SLC9A1: variants seen among roughly 807,000 people sequenced by gnomAD.
SLC9A1 encodes the protein solute carrier family 9 member A1.
SLC9A1 carries 22 observed loss-of-function variants against 67.9 expected under a neutral mutation model. That is an observed-to-expected ratio of 0.32 (90% CI 0.23 to 0.46). SLC9A1 has a LOEUF of 0.46. Among genes scored for constraint, SLC9A1 ranks in the 20% least tolerant of loss-of-function variants. SLC9A1 has a pLI of 1.00. For missense variants in SLC9A1, 686 were observed against 1,094.8 expected (o/e 0.63, Z 5.27); for synonymous variants, 421 against 471.8 (o/e 0.89, Z 1.40).
At chr1:27,127,771 C>T (rs1370386229) in intron 1 of SLC9A1, among the ~76,000 whole-genome samples, 1 of 152,196 alleles carries the variant, frequency 6.6e-6, no homozygotes, top group African/African-American at 2.4e-5. Flanking sequence ...CTGCCTCCTG[C>T]ACAATACCAG....
chr1:27,150,021 T>C (rs977423401), intron 1 of SLC9A1, among the ~76,000 whole-genome samples: 1 of 152,234 alleles, frequency 6.6e-6, no homozygotes, highest in Non-Finnish European at 1.5e-5. Flanking sequence ...AGTCTGCTAT[T>C]TTCCCAAAGA....
intron 1 of SLC9A1, among the ~76,000 whole-genome samples, chr1:27,125,531 C>A (rs2083337207): frequency 6.6e-6 from 1 of 151,942 alleles, no homozygotes; most frequent in African/African-American, 2.4e-5. Context: ...CAGGCCTGAG[C>A]CACTGCGCCC....
chr1:27,143,654 A>T (rs1350322521), intron 1 of SLC9A1, among the ~76,000 whole-genome samples: 2 of 152,212 alleles, frequency 1.3e-5, no homozygotes, highest in Admixed American at 6.5e-5. Flanking sequence ...CCCACAGGAC[A>T]GCCCCAGAGA....
intron 4 of SLC9A1, among the ~76,000 whole-genome samples, chr1:27,107,152 A>C (rs1193984163): frequency 2.2e-4 from 3 of 13,938 alleles, no homozygotes; most frequent in African/African-American, 3.0e-4. Context: ...CCACACCCTC[A>C]CAGCCCCTCC....
At chr1:27,108,671 A>C (rs2083206810) in intron 3 of SLC9A1, among the ~76,000 whole-genome samples, 1 of 152,014 alleles carries the variant, frequency 6.6e-6, no homozygotes, top group Admixed American at 6.5e-5. Flanking sequence ...CCCCGTCTCA[A>C]ATAAAAAAAT....
In SLC9A1 at chr1:27,109,017, C is replaced by A. The variant is rs929530365; in HGVS notation, c.1064+510G>T. ...CTCTGAACCCCAGTTCTGCCTTGCT[C>A]GGCACTGGAACACCTTCACCCCTCA... On this transcript the variant is annotated intron_variant, in intron 3 of 11. Coordinates refer to ENST00000263980, the MANE Select transcript of SLC9A1 (RefSeq NM_003047.5). The surrounding 1 kb of genome is among the most constrained non-coding windows in gnomAD (Gnocchi z 5.5). 6.6e-6 allele frequency among the ~76,000 whole-genome samples: 1 copy of A among 152,140 alleles called. No individual in the cohort carries two copies. Among genetic ancestry groups the A allele is most frequent in the African/African-American group, 2.4e-5 (1 of 41,442 alleles).
chr1:27,107,221 ACACACACCCAACCCC>A (rs1275101935), intron 4 of SLC9A1, among the ~76,000 whole-genome samples: 1 of 68,740 alleles, frequency 1.5e-5, no homozygotes. Flanking sequence ...CAGCCCCTCT[ACACACACCCAACCCC>A]TACACACACA....
rs2083283107 is a variant in SLC9A1, at chr1:27,118,045, A to C, written c.353-3759T>G. ...CGAGCTCTGAGAGGAGGCTGCATGC[A>C]CTCAGCCAGGCCAACCAGGACTGGG... On this transcript the variant is annotated intron_variant, in intron 1 of 11. Transcript: ENST00000263980. The surrounding 1 kb of genome is among the most constrained non-coding windows in gnomAD (Gnocchi z 4.3). Among the ~76,000 whole-genome samples the C allele has an allele frequency of 6.6e-6, 1 of 152,088 alleles. No homozygotes were observed. Among genetic ancestry groups the C allele is most frequent in the South Asian group, 2.1e-4 (1 of 4,826 alleles).
intron 4 of SLC9A1, among the ~76,000 whole-genome samples, chr1:27,107,357 C>CA (rs2083194742): frequency 7.2e-6 from 1 of 139,054 alleles, no homozygotes; most frequent in Non-Finnish European, 1.6e-5. Flanking sequence ...CTCCACACAA[C>CA]ATACTACACA....
rs1277297688 is a variant in SLC9A1 at position 27,099,605 on chromosome 1, C to G, written c.*702G>C. On this transcript the variant is annotated 3_prime_UTR_variant, in exon 12 of 12. Transcript: ENST00000263980. ...AAAAAGGCAGCACATTCTGGAGCCA[C>G]GGCCAGTCCTTCCCCTAGCAGCTTC... 1 of 152,714 alleles carries G rather than the reference C, an allele frequency of 6.5e-6. No individual in the cohort carries two copies. Among genetic ancestry groups the G allele is most frequent in the Non-Finnish European group, 1.5e-5 (1 of 68,202 alleles). 9.5% of individuals were successfully genotyped at this position (152,714 alleles called of 1,614,324 possible).
intron 1 of SLC9A1, among the ~76,000 whole-genome samples, chr1:27,127,591 A>G (rs1231196433): frequency 6.6e-6 from 1 of 152,180 alleles, no homozygotes; most frequent in Non-Finnish European, 1.5e-5. Context: ...CACCCTGCTG[A>G]GCCAGGCAGA....
In SLC9A1 at chr1:27,114,494, A is replaced by C. The variant is rs1351872588; in HGVS notation, c.353-208T>G. On this transcript the variant is annotated intron_variant, in intron 1 of 11. Transcript: ENST00000263980. This position sits in a 1 kb window ranked among gnomAD's most constrained non-coding sequence, Gnocchi z 5.4. ...CTAGCTTCACAGGTTTGCCATCATAAACCAAGTGACAGTGTTTTTAAAGCA... is the reference window on the plus strand; with the variant it reads ...CTAGCTTCACAGGTTTGCCATCATACACCAAGTGACAGTGTTTTTAAAGCA... Among the ~76,000 whole-genome samples, 1 of 152,214 alleles carries C rather than the reference A, an allele frequency of 6.6e-6. No homozygotes were observed. Among genetic ancestry groups the C allele is most frequent in the African/African-American group, 2.4e-5 (1 of 41,446 alleles).
Position 27,100,022 on chromosome 1 carries a change from GTCCA to G in SLC9A1, c.*281_*284del. The G allele has an allele frequency of 2.5e-6, 1 of 396,532 alleles. No homozygotes were observed. The highest frequency in any genetic ancestry group is 4.5e-6 in the Non-Finnish European group (1 of 222,870). The allele number at this position is 396,532 out of a possible 1,614,324, so 24.6% of individuals were successfully genotyped here. On this transcript the variant is annotated 3_prime_UTR_variant, in exon 12 of 12. Coordinates refer to ENST00000263980, the MANE Select transcript of SLC9A1 (RefSeq NM_003047.5). This position sits in a 1 kb window ranked among gnomAD's most constrained non-coding sequence, Gnocchi z 5.6. ...AGAGGGAGGAGCCTCCGAGGCCCTA[GTCCA>G]GGTCCGGGAGAAGCCTGGATCTAGG... is the stretch of plus-strand genomic sequence containing the variant.
At position 27,100,235 on chromosome 1, in the gene SLC9A1, G is replaced by A; in HGVS notation, c.*72C>T. On this transcript the variant is annotated 3_prime_UTR_variant, in exon 12 of 12. Transcript: ENST00000263980. The surrounding 1 kb of genome is among the most constrained non-coding windows in gnomAD (Gnocchi z 5.6). The stretch of plus-strand genomic sequence containing the variant: ...GCCAATCCGGGTCAGGAAGGGCAAG[G>A]GGAGCCCCCAGCAGCCCCTGCTCTG... 8.3e-7 allele frequency: 1 copy of A among 1,203,004 alleles called. No individual in the cohort carries two copies. The highest frequency in any genetic ancestry group is 1.1e-6 in the Non-Finnish European group (1 of 879,318). 74.5% of individuals were successfully genotyped at this position (1,203,004 alleles called of 1,614,324 possible).
At position 27,109,715 on chromosome 1, in the gene SLC9A1, G is replaced by C. The variant is rs1358021001; in HGVS notation, c.876C>G (p.Phe292Leu). ...NYEHVGIVDI[F>L]LGFLSFFVVA... Reference sequence around the variant, plus strand: ...CCACGAAGAAGCTCAGGAAGCCGAGGAAGATGTCCACGATGCCCACGTGTT... The same window carrying C: ...CCACGAAGAAGCTCAGGAAGCCGAGCAAGATGTCCACGATGCCCACGTGTT... The change falls in exon 3 of 12, where the codon TTC (phenylalanine) becomes TTG (leucine). Residue 292 changes from phenylalanine (F) to leucine (L), a missense_variant. Physicochemically the swap from Phe to Leu is conservative, Grantham distance 22. Coordinates refer to ENST00000263980, the MANE Select transcript of SLC9A1 (RefSeq NM_003047.5). The surrounding 1 kb of genome is among the most constrained non-coding windows in gnomAD (Gnocchi z 5.5). 2.5e-6 allele frequency: 4 copies of C among 1,613,996 alleles called. No individual in the cohort carries two copies. The highest frequency in any genetic ancestry group is 3.4e-6 in the Non-Finnish European group (4 of 1,180,040).
Position 27,153,995 on chromosome 1 carries a change from G to T in SLC9A1, c.340C>A (p.Leu114Ile). The T allele has an allele frequency of 6.4e-7, 1 of 1,561,100 alleles. No homozygotes were observed. Among genetic ancestry groups the T allele is most frequent in the Admixed American group, 1.8e-5 (1 of 56,006 alleles). Reference sequence around the variant, plus strand: ...AAACGGGACTTACCTATCTTCATGAGGCAGGCCAGAAGGATCCAGAGGGAG... The same window carrying T: ...AAACGGGACTTACCTATCTTCATGATGCAGGCCAGAAGGATCCAGAGGGAG... The part of the protein sequence containing the change: ...EISLWILLAC[L>I]MKIGFHVIPT... Residue 114 changes from leucine (L) to isoleucine (I), a missense_variant, in exon 1 of 12, where the codon CTC becomes ATC. Leu to Ile is a conservative substitution (Grantham distance 5). Around this residue, in one of 7 missense-constraint regions of SLC9A1, gnomAD observed 143 missense variants for 166.7 expected, o/e 0.86. Transcript: ENST00000263980.
At chr1:27,140,936 G>A (rs970904565) in intron 1 of SLC9A1, among the ~76,000 whole-genome samples, 23 of 152,228 alleles carry the variant, frequency 1.5e-4, no homozygotes, top group Non-Finnish European at 2.4e-4. Context: ...GCCCAGGCAC[G>A]GCAGCTCACG....
At chr1:27,105,274 G>A (rs1391250514) in intron 5 of SLC9A1, among the ~76,000 whole-genome samples, 2 of 152,070 alleles carry the variant, frequency 1.3e-5, no homozygotes, top group Non-Finnish European at 2.9e-5. Context: ...GAGATCTTGG[G>A]CCTGTTGACT....
chr1:27,133,102 C>G (rs1284889864), intron 1 of SLC9A1, among the ~76,000 whole-genome samples: 2 of 151,696 alleles, frequency 1.3e-5, no homozygotes, highest in African/African-American at 2.4e-5. Context: ...GAGTCTCACT[C>G]TCTTGCCCAG....
Sources: allele counts gnomAD v4.1 joint callset (sites outside exome capture counted in the v4.1 genomes callset), GRCh38; gene constraint gnomAD v4.1.1; regional missense constraint gnomAD v4.1.1; non-coding constraint Gnocchi (gnomAD v3.1); transcripts MANE v1.5; gene names NCBI Gene and HGNC (gene_info 2026-07-23, HGNC 2026-07-21).